ANO3: variants seen among roughly 807,000 people sequenced by gnomAD.
The protein encoded by ANO3 is anoctamin-3.
Under a neutral mutation model 144.8 loss-of-function variants are expected in ANO3, and 99 were observed. The observed-to-expected ratio is 0.68, with a 90% CI of 0.58 to 0.81. ANO3 has a LOEUF of 0.81. Ranked by LOEUF, ANO3 falls within the 30% of genes least tolerant of loss-of-function variation. The pLI, the probability that ANO3 is intolerant of heterozygous loss-of-function variation, is 0.00. For synonymous variants in ANO3, 414 were observed against 392.6 expected (o/e 1.05, Z -0.64); for missense variants, 905 against 1,202.2 (o/e 0.75, Z 3.66).
chr11:26,653,195 T>C (rs1340343853), intron 24 of ANO3, among the ~76,000 whole-genome samples: 1 of 152,180 alleles, frequency 6.6e-6, no homozygotes, highest in Non-Finnish European at 1.5e-5. Flanking sequence ...TCCTCTTACC[T>C]GTCTAATAAA....
intron 5 of ANO3, among the ~76,000 whole-genome samples, chr11:26,515,670 A>T (rs1861834671): frequency 6.6e-6 from 1 of 151,998 alleles, no homozygotes; most frequent in African/African-American, 2.4e-5. Flanking sequence ...AAATTCAATA[A>T]TTCTACCCTA....
At chr11:26,550,401 AC>A (rs1481263294) in intron 12 of ANO3, among the ~76,000 whole-genome samples, 1 of 151,900 alleles carries the variant, frequency 6.6e-6, no homozygotes, top group Non-Finnish European at 1.5e-5. Flanking sequence ...CATAACTGAA[AC>A]TTTTTATCCG....
At chr11:26,401,546 T>C (rs891979441) in intron 1 of ANO3, among the ~76,000 whole-genome samples, 1 of 151,972 alleles carries the variant, frequency 6.6e-6, no homozygotes. Context: ...AGGTAGATAA[T>C]ATATAAACAT....
intron 1 of ANO3, among the ~76,000 whole-genome samples, chr11:26,201,612 T>C (rs1290894906): frequency 6.6e-6 from 1 of 152,028 alleles, no homozygotes; most frequent in Non-Finnish European, 1.5e-5. Flanking sequence ...TACTTAACTT[T>C]GTGACTTAAT....
chr11:26,581,286 T>C (rs938794714), intron 14 of ANO3, among the ~76,000 whole-genome samples: 28 of 149,196 alleles, frequency 1.9e-4, no homozygotes, highest in African/African-American at 6.9e-4. Context: ...GTTCTCTTCT[T>C]TGGAAATATG....
intron 6 of ANO3, among the ~76,000 whole-genome samples, chr11:26,523,239 G>A (rs1475575131): frequency 6.6e-6 from 1 of 152,096 alleles, no homozygotes; most frequent in Non-Finnish European, 1.5e-5. Flanking sequence ...TCAACACCTG[G>A]GGATTACACT....
chr11:26,192,551 A>G (rs1470814733), intron 1 of ANO3, among the ~76,000 whole-genome samples: 2 of 152,252 alleles, frequency 1.3e-5, no homozygotes, highest in Admixed American at 6.5e-5. Context: ...TTTCATTTAC[A>G]TAGTAACTAT....
intron 1 of ANO3, among the ~76,000 whole-genome samples, chr11:26,350,143 G>A (rs1855605748): frequency 6.6e-6 from 1 of 152,130 alleles, no homozygotes; most frequent in Admixed American, 6.5e-5. Flanking sequence ...AATTTTAGAA[G>A]CCAATTCAAC....
intron 1 of ANO3, among the ~76,000 whole-genome samples, chr11:26,358,489 TC>T (rs1429473070): frequency 7.2e-5 from 11 of 152,300 alleles, no homozygotes; most frequent in African/African-American, 2.2e-4. Flanking sequence ...ACTCTTAAAA[TC>T]CTGTTGGGAT....
intron 1 of ANO3, among the ~76,000 whole-genome samples, chr11:26,392,865 G>A (rs958723618): frequency 7.9e-5 from 12 of 152,186 alleles, no homozygotes; most frequent in Admixed American, 5.9e-4. Context: ...GAGTAACCTT[G>A]TATAACATAA....
At chr11:26,367,492 A>C (rs1415932059) in intron 1 of ANO3, among the ~76,000 whole-genome samples, 1 of 151,924 alleles carries the variant, frequency 6.6e-6, no homozygotes, top group Non-Finnish European at 1.5e-5. Flanking sequence ...AGAAGTTCCA[A>C]ACTTTCCCTC....
intron 1 of ANO3, among the ~76,000 whole-genome samples, chr11:26,203,479 G>A (rs1048540249): frequency 3.3e-5 from 5 of 152,108 alleles, no homozygotes; most frequent in Non-Finnish European, 7.4e-5. Flanking sequence ...AGTTGGAGTT[G>A]AAAACCGATA....
At chr11:26,527,423 C>T (rs187009915) in intron 7 of ANO3, among the ~76,000 whole-genome samples, 362 of 152,092 alleles carry the variant, frequency 2.4e-3, no homozygotes, top group Non-Finnish European at 3.8e-3. Flanking sequence ...ATAAGTAAAT[C>T]TCTTTATTCT....
chr11:26,371,084 A>G (rs1856240169), intron 1 of ANO3, among the ~76,000 whole-genome samples: 1 of 152,156 alleles, frequency 6.6e-6, no homozygotes. Context: ...CTCCCATCGC[A>G]GGCCTGGAGG....
chr11:26,456,243 G>C (rs899711737), intron 3 of ANO3, among the ~76,000 whole-genome samples: 57 of 152,216 alleles, frequency 3.7e-4, no homozygotes, highest in African/African-American at 1.3e-3. Flanking sequence ...TTAAACTAAA[G>C]AGCTTCTGCA....
chr11:26,446,625 G>A (rs1297851630), intron 3 of ANO3, among the ~76,000 whole-genome samples: 1 of 152,166 alleles, frequency 6.6e-6, no homozygotes, highest in African/African-American at 2.4e-5. Flanking sequence ...TTTCCAGCCA[G>A]CCATTGGTCA....
intron 1 of ANO3, among the ~76,000 whole-genome samples, chr11:26,350,890 C>A (rs955795495): frequency 3.3e-5 from 5 of 152,032 alleles, no homozygotes; most frequent in African/African-American, 1.2e-4. Context: ...CTCTTTTCTG[C>A]CCAAATTCTT....
At chr11:26,659,302 C>G (rs1034603006) in intron 26 of ANO3, among the ~76,000 whole-genome samples, 1 of 152,026 alleles carries the variant, frequency 6.6e-6, no homozygotes, top group African/African-American at 2.4e-5. Context: ...CAGATTCAAG[C>G]AGCCTCATTC....
At chr11:26,604,227 C>T (rs529974884) in intron 17 of ANO3, among the ~76,000 whole-genome samples, 2 of 152,042 alleles carry the variant, frequency 1.3e-5, no homozygotes, top group South Asian at 2.1e-4. Flanking sequence ...GTAGTAGATA[C>T]GTGGTGTTAT....
Sources: gnomAD v4.1 joint callset for allele counts (sites outside exome capture counted in the v4.1 genomes callset) on GRCh38, gnomAD v4.1.1 for gene constraint, MANE v1.5 for transcripts, NCBI Gene and HGNC (gene_info 2026-07-23, HGNC 2026-07-21) for gene names.